Variants in SLC30A7 observed in about 807,000 individuals in gnomAD.
SLC30A7 encodes solute carrier family 30 member 7.
SLC30A7 carries 35 observed loss-of-function variants against 46.0 expected under a neutral mutation model. That is an observed-to-expected ratio of 0.76 (90% confidence interval 0.58 to 1.01). The LOEUF (loss-of-function observed/expected upper bound fraction) is 1.01, where lower values mean the gene tolerates loss of function less well. SLC30A7 is among the 50% of genes least tolerant of loss of function. The probability of loss-of-function intolerance (pLI) is 0.00; values close to 1 mark genes in which losing one functional copy is unlikely to be tolerated. For synonymous variants in SLC30A7, 147 were observed against 157.8 expected (o/e 0.93, Z 0.51); for missense variants, 464 against 451.1 (o/e 1.03, Z -0.26).
chr1:100,914,164 G>C (rs561344999), intron 6 of SLC30A7, among the ~76,000 whole-genome samples: 2 of 152,112 alleles, frequency 1.3e-5, no homozygotes, highest in East Asian at 3.9e-4. Context: ...GGGTAAATGG[G>C]GTTTCCATTC....
At position 100,896,323 on chromosome 1, in the gene SLC30A7, A is replaced by G. The variant is rs1233270343; in HGVS notation, c.61A>G (p.Lys21Glu). The change falls in exon 1 of 11, where the codon AAG becomes GAG. Residue 21 changes from lysine to glutamate, a missense_variant. Coordinates refer to ENST00000357650, the MANE Select transcript of SLC30A7 (RefSeq NM_133496.5). ...ACCACCCAAGTTCAATTTGTTCGGCAAGATCTCGGGCTGGTTTAGGTGCGG... is the reference window on the plus strand; with the variant it reads ...ACCACCCAAGTTCAATTTGTTCGGCGAGATCTCGGGCTGGTTTAGGTGCGG... ...YKPPKFNLFG[K>E]ISGWFRSILS... 8.1e-6 allele frequency: 13 copies of G among 1,614,046 alleles called. No homozygotes were observed. Among genetic ancestry groups the G allele is most frequent in the Non-Finnish European group, 9.3e-6 (11 of 1,180,028 alleles).
the SLC30A7 span, among the ~76,000 whole-genome samples, chr1:100,987,812 C>A: frequency 6.6e-6 from 1 of 152,058 alleles, no homozygotes; most frequent in East Asian, 1.9e-4. Flanking sequence ...AAGCTTTGAT[C>A]TCATTTAAAG....
At chr1:100,955,511 G>T (rs950062327) in intron 8 of SLC30A7, among the ~76,000 whole-genome samples, 2 of 152,018 alleles carry the variant, frequency 1.3e-5, no homozygotes, top group African/African-American at 4.8e-5. Flanking sequence ...GTGCTTCATT[G>T]TGAATGCTAG....
At chr1:100,991,524 G>A in the SLC30A7 span, among the ~76,000 whole-genome samples, 7 of 152,098 alleles carry the variant, frequency 4.6e-5, no homozygotes, top group Admixed American at 6.5e-5. Flanking sequence ...GCGGTGACTC[G>A]CACCTGTAAT....
chr1:100,911,078 A>T lies in SLC30A7; in HGVS notation c.312A>T (p.Glu104Asp). The T allele has an allele frequency of 6.2e-7, 1 of 1,611,698 alleles. No homozygotes were observed. The highest frequency in any genetic ancestry group is 8.5e-7 in the Non-Finnish European group (1 of 1,178,610). ...TCCTCTTTAGGTATGTTAGAGCGGA[A>T]GTTCTGGCTGGCTTTGTCAATGGCC... Reference protein sequence around the residue: ...DAFSYGYVRAEVLAGFVNGLF... With the variant: ...DAFSYGYVRADVLAGFVNGLF... The change falls in exon 4 of 11, where the codon GAA (glutamate) becomes GAT (aspartate). Residue 104 changes from glutamate (E) to aspartate (D), a missense_variant. Coordinates refer to ENST00000357650, the MANE Select transcript of SLC30A7 (RefSeq NM_133496.5).
chr1:100,926,715 T>G (rs1653326303), intron 8 of SLC30A7, among the ~76,000 whole-genome samples: 1 of 152,232 alleles, frequency 6.6e-6, no homozygotes, highest in African/African-American at 2.4e-5. Context: ...CAGAAAAGTT[T>G]CATGTATCTT....
intron 7 of SLC30A7, among the ~76,000 whole-genome samples, chr1:100,920,365 T>G (rs1652863831): frequency 6.6e-6 from 1 of 152,036 alleles, no homozygotes; most frequent in African/African-American, 2.4e-5. Flanking sequence ...ATTAACCTAT[T>G]TAATTCACTG....
intron 2 of SLC30A7, among the ~76,000 whole-genome samples, chr1:100,900,231 A>G (rs1651223731): frequency 6.6e-6 from 1 of 152,224 alleles, no homozygotes; most frequent in Non-Finnish European, 1.5e-5. Flanking sequence ...ATTTAATTTC[A>G]GTAGTATTTC....
intron 8 of SLC30A7, among the ~76,000 whole-genome samples, chr1:100,954,145 G>A (rs1655105027): frequency 6.6e-6 from 1 of 152,120 alleles, no homozygotes; most frequent in African/African-American, 2.4e-5. Context: ...TCTAAGCATT[G>A]TGCTGGGGGA....
In SLC30A7 at chr1:100,906,978, G is replaced by A. The variant is rs1557975463; in HGVS notation, c.296+13G>A. On this transcript the variant is annotated intron_variant, in intron 3 of 10. Coordinates refer to ENST00000357650, the MANE Select transcript of SLC30A7 (RefSeq NM_133496.5). ...CTTTCTCCTATGGGTAAGACTTTAA[G>A]AAAAAAAATCTTTTTATTGAAGTAT... 2.6e-6 allele frequency: 4 copies of A among 1,524,846 alleles called. No homozygotes were observed. Among genetic ancestry groups the A allele is most frequent in the South Asian group, 2.3e-5 (2 of 86,824 alleles). 94.5% of individuals were successfully genotyped at this position (1,524,846 alleles called of 1,614,324 possible).
intron 8 of SLC30A7, among the ~76,000 whole-genome samples, chr1:100,948,465 G>A (rs1039631636): frequency 6.6e-6 from 1 of 152,098 alleles, no homozygotes; most frequent in African/African-American, 2.4e-5. Flanking sequence ...CTCTCTGGCT[G>A]CCCTTAACAT....
Position 100,896,149 on chromosome 1 carries a change from G to C in SLC30A7, c.-114G>C. The C allele has an allele frequency of 2.3e-6, 2 of 884,978 alleles. No homozygotes were observed. Among genetic ancestry groups the C allele is most frequent in the South Asian group, 2.8e-5 (2 of 71,870 alleles). The allele number at this position is 884,978 out of a possible 1,614,324, so 54.8% of individuals were successfully genotyped here. ...CTGTCTGTGTCTCGCAGCGGCGCGC[G>C]GCCCCGGACAAGCGCTGGGGATTCC... is the stretch of plus-strand genomic sequence containing the variant. On this transcript the variant is annotated 5_prime_UTR_variant, in exon 1 of 11. Transcript: ENST00000357650.
intron 6 of SLC30A7, among the ~76,000 whole-genome samples, chr1:100,917,081 T>G (rs1652611857): frequency 6.6e-6 from 1 of 152,216 alleles, no homozygotes; most frequent in African/African-American, 2.4e-5. Flanking sequence ...GCCTGTTGCC[T>G]GTGTCAGTCT....
intron 10 of SLC30A7, chr1:100,972,598 T>G (rs1364203508): frequency 6.6e-6 from 1 of 152,126 alleles, no homozygotes; most frequent in African/African-American, 2.4e-5. Flanking sequence ...TTGCCCATTT[T>G]GCTTTCACTA....
chr1:100,917,140 C>T (rs761549681), intron 6 of SLC30A7, among the ~76,000 whole-genome samples: 5 of 152,142 alleles, frequency 3.3e-5, no homozygotes, highest in African/African-American at 4.8e-5. Context: ...TGCTTTAAAA[C>T]CTTGCTTTTC....
chr1:100,938,044 A>G (rs940818991), intron 8 of SLC30A7, among the ~76,000 whole-genome samples: 1 of 152,170 alleles, frequency 6.6e-6, no homozygotes, highest in Non-Finnish European at 1.5e-5. Flanking sequence ...CCATTTAACC[A>G]TGTATGTCAG....
intron 8 of SLC30A7, among the ~76,000 whole-genome samples, chr1:100,943,132 G>A (rs1394300693): frequency 1.3e-5 from 2 of 152,194 alleles, no homozygotes; most frequent in Non-Finnish European, 2.9e-5. Flanking sequence ...ACTGCCTGGA[G>A]ACAGTGTGAG....
chr1:100,995,969 C>T, the SLC30A7 span: 1 of 152,104 alleles, frequency 6.6e-6, no homozygotes, highest in Non-Finnish European at 1.5e-5. Context: ...TAGACTTATG[C>T]AGATTTCCTA....
chr1:100,915,198 TTTC>T (rs772908740), intron 6 of SLC30A7, among the ~76,000 whole-genome samples: 1,805 of 61,310 alleles, frequency 0.029, 24 homozygotes, highest in East Asian at 0.12. Context: ...CTTTCTTTTC[TTTC>T]TTTCTTTCTT....
Sources: allele counts gnomAD v4.1 joint callset (sites outside exome capture counted in the v4.1 genomes callset), GRCh38; gene constraint gnomAD v4.1.1; transcripts MANE v1.5; gene names NCBI Gene and HGNC (gene_info 2026-07-23, HGNC 2026-07-21).